EYS: variants seen among roughly 807,000 people sequenced by gnomAD.
The protein encoded by EYS is protein eyes shut homolog.
In EYS, 250 loss-of-function variants were observed where a neutral mutation model predicts 282.1. That is an observed-to-expected ratio of 0.89 (90% CI 0.80 to 0.98). The LOEUF (loss-of-function observed/expected upper bound fraction) is 0.98, where lower values mean the gene tolerates loss of function less well. EYS is among the 50% of genes least tolerant of loss of function. EYS has a pLI of 0.00. For synonymous variants in EYS, 1,355 were observed against 1,282.9 expected (o/e 1.06, Z -1.20); for missense variants, 4,016 against 3,709.0 (o/e 1.08, Z -2.15).
chr6:64,426,027 GA>G (rs889619242), intron 28 of EYS, among the ~76,000 whole-genome samples: 1 of 152,068 alleles, frequency 6.6e-6, no homozygotes, highest in African/African-American at 2.4e-5. Context: ...GAATTCATAA[GA>G]AAGTTCTATG....
chr6:64,443,584 C>A (rs866251002), intron 26 of EYS, among the ~76,000 whole-genome samples: 1 of 152,114 alleles, frequency 6.6e-6, no homozygotes, highest in African/African-American at 2.4e-5. Flanking sequence ...GTAGGAGGAA[C>A]CTGGTGAGAG....
intron 12 of EYS, among the ~76,000 whole-genome samples, chr6:65,219,918 C>A (rs1562030060): frequency 6.6e-6 from 1 of 152,004 alleles, no homozygotes; most frequent in Non-Finnish European, 1.5e-5. Flanking sequence ...GAAAACTGCC[C>A]CCATGATTCA....
intron 19 of EYS, among the ~76,000 whole-genome samples, chr6:64,827,695 A>G (rs1765099632): frequency 1.3e-5 from 2 of 152,040 alleles, no homozygotes; most frequent in South Asian, 2.1e-4. Context: ...TAAAAAAGTC[A>G]TAAGAGCTCC....
intron 12 of EYS, among the ~76,000 whole-genome samples, chr6:65,256,223 A>C (rs534771225): frequency 6.6e-6 from 1 of 152,042 alleles, no homozygotes; most frequent in East Asian, 1.9e-4. Flanking sequence ...AGAGGTCATA[A>C]TGTTAAATGA....
intron 7 of EYS, among the ~76,000 whole-genome samples, chr6:65,395,297 A>T (rs970758455): frequency 6.6e-6 from 1 of 152,174 alleles, no homozygotes; most frequent in Non-Finnish European, 1.5e-5. Flanking sequence ...TCCCAACCTC[A>T]GGTGATCCTC....
rs1266445427 is a variant in EYS, at chr6:64,066,641, A to G, written c.6572-150T>C. The stretch of plus-strand genomic sequence containing the variant: ...ATAATTATTCAGTGTAATAAGTACC[A>G]TATTAGAAACGTACATTATTGTCCA... On this transcript the variant is annotated intron_variant, in intron 32 of 42. Transcript: ENST00000503581. The G allele has an allele frequency of 8.2e-6, 5 of 607,478 alleles. No individual in the cohort carries two copies. In the Admixed American group the frequency reaches 1.2e-4, roughly 14 times the overall value. 37.6% of individuals were successfully genotyped at this position (607,478 alleles called of 1,614,324 possible).
chr6:64,113,412 C>T (rs1773273167), intron 31 of EYS, among the ~76,000 whole-genome samples: 1 of 152,114 alleles, frequency 6.6e-6, no homozygotes, highest in South Asian at 2.1e-4. Context: ...ATGAGAAGCA[C>T]ATTACCTGTC....
chr6:65,040,180 A>G (rs1443121245), intron 13 of EYS, among the ~76,000 whole-genome samples: 1 of 151,776 alleles, frequency 6.6e-6, no homozygotes, highest in African/African-American at 2.4e-5. Flanking sequence ...GGCTACGCCA[A>G]AAAATGGGTT....
intron 29 of EYS, among the ~76,000 whole-genome samples, chr6:64,343,593 C>T (rs1472861501): frequency 1.3e-5 from 2 of 151,914 alleles, no homozygotes; most frequent in South Asian, 2.1e-4. Context: ...TAAATGCCCA[C>T]AAGAGAAAGC....
chr6:64,374,604 C>T (rs946218917), intron 29 of EYS, among the ~76,000 whole-genome samples: 1 of 152,154 alleles, frequency 6.6e-6, no homozygotes, highest in Non-Finnish European at 1.5e-5. Flanking sequence ...TCTTGTGTTC[C>T]CCTTCTGCTT....
At chr6:64,560,682 G>A (rs923696590) in intron 26 of EYS, among the ~76,000 whole-genome samples, 5 of 151,948 alleles carry the variant, frequency 3.3e-5, no homozygotes, top group South Asian at 2.1e-4. Flanking sequence ...TGTATTTACC[G>A]ATAATAAAAA....
chr6:64,542,491 T>A (rs375253243), intron 26 of EYS, among the ~76,000 whole-genome samples: 3 of 152,074 alleles, frequency 2.0e-5, no homozygotes, highest in Non-Finnish European at 4.4e-5. Flanking sequence ...AGGAGACATA[T>A]AGTTTAGTGG....
At chr6:63,924,881 G>T (rs1232581259) in intron 35 of EYS, among the ~76,000 whole-genome samples, 1 of 152,142 alleles carries the variant, frequency 6.6e-6, no homozygotes, top group African/African-American at 2.4e-5. Context: ...GAAGAGGTTT[G>T]GGATCATCAC....
chr6:65,537,132 G>C (rs974840218), intron 2 of EYS, among the ~76,000 whole-genome samples: 1 of 152,114 alleles, frequency 6.6e-6, no homozygotes, highest in Non-Finnish European at 1.5e-5. Context: ...TCACTCATAA[G>C]TGGGAGTTGA....
chr6:64,338,581 A>G (rs1165125509), intron 29 of EYS, among the ~76,000 whole-genome samples: 1 of 152,040 alleles, frequency 6.6e-6, no homozygotes, highest in Admixed American at 6.6e-5. Context: ...TACAAATTCA[A>G]TGCAATCCCC....
At chr6:63,892,973 T>A (rs1773446254) in intron 35 of EYS, among the ~76,000 whole-genome samples, 1 of 151,996 alleles carries the variant, frequency 6.6e-6, no homozygotes, top group Non-Finnish European at 1.5e-5. Flanking sequence ...AACAAGCATA[T>A]GAAAAAAAGC....
At chr6:64,330,476 A>C (rs1009079067) in intron 29 of EYS, among the ~76,000 whole-genome samples, 8 of 152,202 alleles carry the variant, frequency 5.3e-5, no homozygotes, top group Non-Finnish European at 1.0e-4. Context: ...GAAATCAAGA[A>C]GGCCTTGATC....
chr6:65,103,250 C>CAG (rs1774943083), intron 12 of EYS, among the ~76,000 whole-genome samples: 1 of 151,362 alleles, frequency 6.6e-6, no homozygotes, highest in Non-Finnish European at 1.5e-5. Context: ...TTAGAATGAT[C>CAG]AGAGGTGTTA....
intron 29 of EYS, among the ~76,000 whole-genome samples, chr6:64,363,379 G>T (rs930605502): frequency 6.6e-6 from 1 of 151,916 alleles, no homozygotes; most frequent in Non-Finnish European, 1.5e-5. Flanking sequence ...GCACACTGAT[G>T]TTAAGCTGAG....
Sources: allele counts gnomAD v4.1 joint callset (sites outside exome capture counted in the v4.1 genomes callset), GRCh38; gene constraint gnomAD v4.1.1; transcripts MANE v1.5; gene names NCBI Gene and HGNC (gene_info 2026-07-23, HGNC 2026-07-21).